Variants in PTPRU observed in about 807,000 individuals in gnomAD.
The protein encoded by PTPRU is protein tyrosine phosphatase receptor type U, also known as receptor-type tyrosine-protein phosphatase U.
PTPRU carries 69 observed loss-of-function variants against 166.3 expected under a neutral mutation model. The observed-to-expected ratio is 0.41, with a 90% CI of 0.34 to 0.51. The LOEUF (loss-of-function observed/expected upper bound fraction) is 0.51, where lower values mean the gene tolerates loss of function less well. Among genes scored for constraint, PTPRU ranks in the 20% least tolerant of loss-of-function variants. The probability of loss-of-function intolerance (pLI) is 0.09; values close to 1 mark genes in which losing one functional copy is unlikely to be tolerated. For synonymous variants in PTPRU, 793 were observed against 814.0 expected (o/e 0.97, Z 0.44); for missense variants, 1,657 against 2,013.7 (o/e 0.82, Z 3.39).
chr1:29,253,248 G>T (rs1192473064), intron 1 of PTPRU, among the ~76,000 whole-genome samples: 3 of 152,180 alleles, frequency 2.0e-5, no homozygotes, highest in Non-Finnish European at 2.9e-5. Context: ...TCCGAACCCT[G>T]TCCTTTTGGG....
intron 7 of PTPRU, among the ~76,000 whole-genome samples, chr1:29,267,640 G>A (rs1316364882): frequency 2.0e-5 from 3 of 152,206 alleles, no homozygotes; most frequent in African/African-American, 7.2e-5. Flanking sequence ...CACTGTGTTA[G>A]TGACTGAGTG....
chr1:29,290,467 TTCTC>T (rs1329096492), intron 14 of PTPRU, among the ~76,000 whole-genome samples: 1 of 152,214 alleles, frequency 6.6e-6, no homozygotes, highest in African/African-American at 2.4e-5. Context: ...CTACTCTGTC[TTCTC>T]TCTCTGTCTT....
chr1:29,261,121 TA>T (rs1189349518), intron 7 of PTPRU, among the ~76,000 whole-genome samples: 1 of 152,202 alleles, frequency 6.6e-6, no homozygotes, highest in African/African-American at 2.4e-5. Flanking sequence ...AACCCATATT[TA>T]TAGATTTAAA....
chr1:29,287,820 A>G (rs1686430722), intron 14 of PTPRU, among the ~76,000 whole-genome samples: 3 of 148,478 alleles, frequency 2.0e-5, no homozygotes, highest in Non-Finnish European at 4.4e-5. Flanking sequence ...ATGGGTATGT[A>G]TGTATTTTTT....
intron 15 of PTPRU, among the ~76,000 whole-genome samples, chr1:29,297,453 G>A (rs150164751): frequency 1.3e-5 from 2 of 152,342 alleles, no homozygotes; most frequent in Non-Finnish European, 2.9e-5. Context: ...GAAAGTGGCA[G>A]AGTCAGGACT....
At chr1:29,301,774 C>T (rs978958351) in intron 15 of PTPRU, among the ~76,000 whole-genome samples, 13 of 152,136 alleles carry the variant, frequency 8.5e-5, no homozygotes, top group Admixed American at 2.0e-4. Context: ...TGATGTTCCC[C>T]GCCCTGTGTC....
chr1:29,315,321 C>T lies in PTPRU; in HGVS notation c.3228-51C>T, dbSNP rs530518608. On this transcript the variant is annotated intron_variant, in intron 22 of 29. Coordinates refer to ENST00000373779, the MANE Select transcript of PTPRU (RefSeq NM_133178.4). The surrounding 1 kb of genome is among the most constrained non-coding windows in gnomAD (Gnocchi z 4.5). ...CCTCCTCTCTTCTTCTCCTTAGTCC[C>T]GGGCTTCCTCCCCAAAGCTCTGACC... The T allele has an allele frequency of 8.7e-6, 14 of 1,610,344 alleles. No homozygotes were observed. Among genetic ancestry groups the T allele is most frequent in the South Asian group, 2.2e-5 (2 of 90,920 alleles).
intron 12 of PTPRU, among the ~76,000 whole-genome samples, chr1:29,283,293 A>G (rs1574659859): frequency 2.8e-5 from 2 of 71,242 alleles, no homozygotes; most frequent in Middle Eastern, 0.014. Flanking sequence ...CCCACCTCCC[A>G]GAGTCCGTCC....
chr1:29,297,803 G>A (rs1289705017), intron 15 of PTPRU, among the ~76,000 whole-genome samples: 1 of 152,234 alleles, frequency 6.6e-6, no homozygotes, highest in East Asian at 1.9e-4. Context: ...AGGGAAGTCG[G>A]GACCAGGCTA....
At position 29,323,383 on chromosome 1, in the gene PTPRU, T is replaced by C; in HGVS notation, c.3841T>C (p.Tyr1281His). Residue 1281 changes from tyrosine to histidine, a missense_variant, in exon 27 of 30, where the codon TAC (tyrosine) becomes CAC (histidine). Physicochemically the swap from Tyr to His is moderately conservative, Grantham distance 83. This residue lies in a region of PTPRU where 1,190 missense variants were observed against 1,477.4 expected (regional missense o/e 0.81). Transcript: ENST00000373779. ...QSNSAWPCLQ[Y>H]WPEPGRQQYG... ...TGCTTATGCCCAGCCCTGCCTGCAGTACTGGCCAGAGCCAGGCCGGCAGCA... is the reference window on the plus strand; with the variant it reads ...TGCTTATGCCCAGCCCTGCCTGCAGCACTGGCCAGAGCCAGGCCGGCAGCA... 6.2e-7 allele frequency: 1 copy of C among 1,607,582 alleles called. No homozygotes were observed.
At position 29,322,861 on chromosome 1, in the gene PTPRU, G is replaced by A. The variant is rs1688221142; in HGVS notation, c.3829-510G>A. On this transcript the variant is annotated intron_variant, in intron 26 of 29. Coordinates refer to ENST00000373779, the MANE Select transcript of PTPRU (RefSeq NM_133178.4). ...CCTCCACAGTCTGGAGTCTGGGAGG[G>A]GGTTGTATTTAGGACCCTGACTCCA... 1.3e-5 allele frequency among the ~76,000 whole-genome samples: 2 copies of A among 152,158 alleles called. 1 individual carries two copies. The highest frequency in any genetic ancestry group is 4.2e-4 in the South Asian group (2 of 4,804).
intron 1 of PTPRU, among the ~76,000 whole-genome samples, chr1:29,251,201 G>A (rs1574608138): frequency 6.6e-6 from 1 of 151,920 alleles, no homozygotes; most frequent in Admixed American, 6.6e-5. Context: ...TGCAGTGAGC[G>A]AGATCATGCT....
Position 29,274,955 on chromosome 1 carries a change from T to C in PTPRU, c.1145-493T>C, listed in dbSNP as rs376932816. The stretch of plus-strand genomic sequence containing the variant: ...ATCCCAGCTACTTGGGAGTCTGAGG[T>C]GGAAGGATTGCTTGAACCTGGGAGG... On this transcript the variant is annotated intron_variant, in intron 7 of 29. Transcript: ENST00000373779. Among the ~76,000 whole-genome samples the C allele has an allele frequency of 2.7e-5, 4 of 147,430 alleles. No individual in the cohort carries two copies. The South Asian group carries it at 6.4e-4, about 24-fold the overall frequency.
In PTPRU at chr1:29,316,033, TG is replaced by T; in HGVS notation, c.3397del (p.Glu1133ArgfsTer22). The stretch of plus-strand genomic sequence containing the variant: ...TACATCTTCATTCATGATGCAATCC[TG>T]GAGGCCTGCCTGTGTGGGGAGACCA... ...EQYIFIHDAI[L>X]EACLCGETTI... On this transcript the variant is annotated frameshift_variant, in exon 24 of 30. Transcript: ENST00000373779. LOFTEE classifies it high-confidence loss of function. 1 of 1,614,140 alleles carries T rather than the reference TG, an allele frequency of 6.2e-7. No homozygotes were observed. The highest frequency in any genetic ancestry group is 8.5e-7 in the Non-Finnish European group (1 of 1,179,964).
In PTPRU at chr1:29,282,665, T is replaced by A. The variant is rs1686130385; in HGVS notation, c.1869-11T>A. 3 of 1,610,688 alleles carry A rather than the reference T, an allele frequency of 1.9e-6. No individual in the cohort carries two copies. In the East Asian group the frequency reaches 6.7e-5, roughly 36 times the overall value. On this transcript the variant is annotated splice_polypyrimidine_tract_variant and intron_variant, in intron 11 of 29. Transcript: ENST00000373779. ...GCCTGTGATCCCCTGTACGCTCTCCTCCCTGTCCAGTGTGTACCAGGTGAT... is the reference window on the plus strand; with the variant it reads ...GCCTGTGATCCCCTGTACGCTCTCCACCCTGTCCAGTGTGTACCAGGTGAT...
At chr1:29,282,576 C>G in intron 11 of PTPRU, 100 bp from the exon 12 acceptor site, 1 of 1,445,464 alleles carries the variant, frequency 6.9e-7, no homozygotes, top group Admixed American at 2.2e-5. Context: ...AGTTAGTCCC[C>G]AGGAGGGCTT....
At chr1:29,318,984 G>A (rs1016694983) in intron 25 of PTPRU, among the ~76,000 whole-genome samples, 1 of 152,224 alleles carries the variant, frequency 6.6e-6, no homozygotes, top group African/African-American at 2.4e-5. Flanking sequence ...TCCTTGGCAG[G>A]ACAGTGCGGG....
At position 29,279,473 on chromosome 1, in the gene PTPRU, C is replaced by T. The variant is rs774304347; in HGVS notation, c.1581C>T (p.Ile527=). Residue 527 remains isoleucine, a synonymous_variant, in exon 10 of 30, where the codon ATC becomes ATT. Transcript: ENST00000373779. The surrounding 1 kb of genome is among the most constrained non-coding windows in gnomAD (Gnocchi z 5.2). ...GCCCCCAGATCAGCTACCAGAGCAT[C>T]GAGTCATCAGACCCGGCAGTGAACG... is the stretch of plus-strand genomic sequence containing the variant. ...ITQYEISYQS[I]ESSDPAVNVP... 7.4e-6 allele frequency: 12 copies of T among 1,614,130 alleles called. No individual in the cohort carries two copies. The highest frequency in any genetic ancestry group is 5.5e-5 in the South Asian group (5 of 91,084).
In PTPRU at chr1:29,311,173, GT is replaced by G. The variant is rs1488466430; in HGVS notation, c.2858-282del. Among the ~76,000 whole-genome samples, 7 of 152,178 alleles carry G rather than the reference GT, an allele frequency of 4.6e-5. No homozygotes were observed. The highest frequency in any genetic ancestry group is 1.0e-4 in the Non-Finnish European group (7 of 68,028). ...CCTTTCCACGACTGTCCATCTGTCTGTCCCTCCTGGACACTCATGCCATTGC... is the reference window on the plus strand; with the variant it reads ...CCTTTCCACGACTGTCCATCTGTCTGCCCTCCTGGACACTCATGCCATTGC... On this transcript the variant is annotated intron_variant, in intron 19 of 29. Transcript: ENST00000373779. The surrounding 1 kb of genome is among the most constrained non-coding windows in gnomAD (Gnocchi z 4.1).
Sources: allele counts gnomAD v4.1 joint callset (sites outside exome capture counted in the v4.1 genomes callset), GRCh38; gene constraint gnomAD v4.1.1; regional missense constraint gnomAD v4.1.1; non-coding constraint Gnocchi (gnomAD v3.1); transcripts MANE v1.5; gene names NCBI Gene and HGNC (gene_info 2026-07-23, HGNC 2026-07-21).